The following BICRAL variants were observed in gnomAD, a reference collection of about 807,000 sequenced individuals.
BICRAL encodes BICRA like chromatin remodeling complex associated protein, also known as BRD4-interacting chromatin-remodeling complex-associated protein-like.
Under a neutral mutation model 91.8 loss-of-function variants are expected in BICRAL, and 8 were observed. The ratio of observed to expected loss-of-function variants is 0.09; its 90% CI spans 0.05 to 0.16. BICRAL has a LOEUF of 0.16. Among genes scored for constraint, BICRAL ranks in the 10% least tolerant of loss-of-function variants. The pLI is 1.00. For synonymous variants in BICRAL, 445 were observed against 491.1 expected (o/e 0.91, Z 1.24); for missense variants, 1,038 against 1,310.9 (o/e 0.79, Z 3.21).
chr6:42,767,534 G>A (rs1035557152), intron 1 of BICRAL, among the ~76,000 whole-genome samples: 5 of 152,190 alleles, frequency 3.3e-5, no homozygotes, highest in Non-Finnish European at 5.9e-5. Flanking sequence ...TCCAGTGGGT[G>A]TTTGTTGAGT....
rs1466326829 is a variant in BICRAL, at chr6:42,824,237, TA to T, written c.159+1242del. 3.6e-4 allele frequency among the ~76,000 whole-genome samples: 49 copies of T among 135,864 alleles called. 1 individual carries two copies. Among genetic ancestry groups the T allele is most frequent in the Non-Finnish European group, 6.6e-4 (41 of 62,026 alleles). The allele number at this position is 135,864 out of a possible 152,430, so 89.1% of individuals were successfully genotyped here. A position where few individuals can be genotyped will look rare whatever the true frequency, so the allele number is the denominator to read the frequency against. ...ATAGGGAGACTCTGTCTCAAAAAAA[TA>T]AAAAAAATAAAAATAAATAATAAAT... On this transcript the variant is annotated intron_variant, in intron 5 of 12. Coordinates refer to ENST00000314073, the MANE Select transcript of BICRAL (RefSeq NM_001393499.1).
At chr6:42,819,748 C>G (rs186231187) in intron 2 of BICRAL, among the ~76,000 whole-genome samples, 1 of 152,318 alleles carries the variant, frequency 6.6e-6, no homozygotes, top group African/African-American at 2.4e-5. Context: ...TAAGGGTCAT[C>G]TCTTTTAATT....
In BICRAL at chr6:42,829,702, C is replaced by G. The variant is rs778981601; in HGVS notation, c.1369C>G (p.Pro457Ala). 4 of 1,614,192 alleles carry G rather than the reference C, an allele frequency of 2.5e-6. No homozygotes were observed. Among genetic ancestry groups the G allele is most frequent in the Admixed American group, 3.3e-5 (2 of 60,014 alleles). Residue 457 changes from proline to alanine, a missense_variant, in exon 6 of 13, where the codon CCA (proline) becomes GCA (alanine). Around this residue, in one of 5 missense-constraint regions of BICRAL, gnomAD observed 532 missense variants for 724.9 expected, o/e 0.73. Transcript: ENST00000314073. ...TTCCAACATGCTCAGGACCAACCAA[C>G]CATATACTGGACCGATGCTTAACAA... is the stretch of plus-strand genomic sequence containing the variant. Reference protein sequence around the residue: ...NSSNMLRTNQPYTGPMLNNQN... With the variant: ...NSSNMLRTNQAYTGPMLNNQN...
chr6:42,818,288 A>G (rs1367514610), intron 2 of BICRAL, among the ~76,000 whole-genome samples: 3 of 152,068 alleles, frequency 2.0e-5, no homozygotes, highest in African/African-American at 4.8e-5. Flanking sequence ...AGCTAGTTGT[A>G]TTTCCTTTTC....
At chr6:42,845,223 TTTTTTTTTTTTTTTTTTTTTTTTTTA>T (rs1764967927) in intron 6 of BICRAL, among the ~76,000 whole-genome samples, 1 of 88,240 alleles carries the variant, frequency 1.1e-5, no homozygotes, top group Non-Finnish European at 2.1e-5. Context: ...TTTTTTTTTT[TTTTTTTTTTTTTTTTTTTTTTTTTTA>T]GACAGAGTTT....
chr6:42,810,014 T>C (rs917336270), intron 1 of BICRAL, among the ~76,000 whole-genome samples: 1 of 151,988 alleles, frequency 6.6e-6, no homozygotes, highest in Non-Finnish European at 1.5e-5. Flanking sequence ...CTCGAACTCC[T>C]GACCTTAGGT....
chr6:42,857,737 T>C (rs1236039856), intron 10 of BICRAL, among the ~76,000 whole-genome samples: 1 of 148,894 alleles, frequency 6.7e-6, no homozygotes, highest in African/African-American at 2.5e-5. Flanking sequence ...GGGATGGCTT[T>C]GCACTAGACA....
At chr6:42,771,262 T>TC (rs987915748) in intron 1 of BICRAL, among the ~76,000 whole-genome samples, 12 of 152,144 alleles carry the variant, frequency 7.9e-5, no homozygotes, top group African/African-American at 2.7e-4. Context: ...AGAGGACCCC[T>TC]CCCCCTGCGG....
At chr6:42,770,249 G>C (rs946649115) in intron 1 of BICRAL, among the ~76,000 whole-genome samples, 1 of 151,812 alleles carries the variant, frequency 6.6e-6, no homozygotes, top group Admixed American at 6.6e-5. Flanking sequence ...TGTTTTTTAA[G>C]ACAGGGTCTT....
At chr6:42,792,729 A>G (rs1763307439) in intron 1 of BICRAL, among the ~76,000 whole-genome samples, 1 of 152,016 alleles carries the variant, frequency 6.6e-6, no homozygotes, top group African/African-American at 2.4e-5. Flanking sequence ...CCTGGCCAAC[A>G]TGAAGAAACC....
chr6:42,854,354 T>C (rs987822572), intron 8 of BICRAL, among the ~76,000 whole-genome samples: 2 of 152,088 alleles, frequency 1.3e-5, no homozygotes, highest in African/African-American at 4.8e-5. Flanking sequence ...AGCTGTTTTT[T>C]TGTATTTTTT....
intron 6 of BICRAL, among the ~76,000 whole-genome samples, chr6:42,847,825 C>T (rs7752422): frequency 3.3e-5 from 5 of 150,006 alleles, no homozygotes; most frequent in African/African-American, 4.9e-5. Context: ...TGGGAGGCTG[C>T]GGCAGAAAAT....
In BICRAL at chr6:42,824,954, C is replaced by T. The variant is rs117960583; in HGVS notation, c.159+1951C>T. On this transcript the variant is annotated intron_variant, in intron 5 of 12. Transcript: ENST00000314073. ...CCAGCATAGTGAGACCCCATCTCTA[C>T]AAAAAATTTAAAAATTAGACCAGCA... Among the ~76,000 whole-genome samples the T allele has an allele frequency of 5.2e-3, 785 of 152,170 alleles. 19 individuals carry two copies. Among genetic ancestry groups the T allele is most frequent in the East Asian group, 0.048 (250 of 5,180 alleles).
At chr6:42,793,316 T>C (rs1204031110) in intron 1 of BICRAL, among the ~76,000 whole-genome samples, 1 of 108,406 alleles carries the variant, frequency 9.2e-6, no homozygotes, top group East Asian at 2.5e-4. Flanking sequence ...TTTTTTTTTT[T>C]TTTTTTTTTG....
chr6:42,849,702 GTGCTGGGATTACAGGCATGA>G (rs1765120019), intron 6 of BICRAL, among the ~76,000 whole-genome samples: 1 of 151,558 alleles, frequency 6.6e-6, no homozygotes, highest in Non-Finnish European at 1.5e-5. Flanking sequence ...GCCTCCCAAA[GTGCTGGGATTACAGGCATGA>G]GCCACTGCGC....
rs1164743380 is a variant in BICRAL, at chr6:42,844,531, AAAAAAAAAAAAAAAG to A, written c.1840-7559_1840-7545del. ...CTCAAAAAAAAAAAAAAAAAAAAAA[AAAAAAAAAAAAAAAG>A]AGGGTGTTGCAGAAAGAAGATCCAC... is the stretch of plus-strand genomic sequence containing the variant. On this transcript the variant is annotated intron_variant, in intron 6 of 12. Transcript: ENST00000314073. Among the ~76,000 whole-genome samples the A allele has an allele frequency of 4.4e-4, 50 of 113,476 alleles. 2 individuals carry two copies. Among genetic ancestry groups the A allele is most frequent in the African/African-American group, 2.0e-3 (47 of 23,480 alleles). 74.4% of individuals were successfully genotyped at this position (113,476 alleles called of 152,430 possible).
At chr6:42,852,302 C>A in intron 7 of BICRAL, 105 bp downstream of exon 7, 1 of 738,178 alleles carries the variant, frequency 1.4e-6, no homozygotes. Flanking sequence ...AATCTCGTCT[C>A]CACTCCGATT....
At chr6:42,791,729 G>GCTAGGACTA (rs1763279125) in intron 1 of BICRAL, among the ~76,000 whole-genome samples, 1 of 152,144 alleles carries the variant, frequency 6.6e-6, no homozygotes, top group African/African-American at 2.4e-5. Context: ...CTCCCAAAGT[G>GCTAGGACTA]CTAGGACTAT....
intron 6 of BICRAL, among the ~76,000 whole-genome samples, chr6:42,843,638 G>A (rs1032454279): frequency 1.3e-5 from 2 of 152,104 alleles, no homozygotes; most frequent in African/African-American, 4.8e-5. Flanking sequence ...TAGAAAAATG[G>A]GGAGAGATTT....
Sources: allele counts gnomAD v4.1 joint callset (sites outside exome capture counted in the v4.1 genomes callset), GRCh38; gene constraint gnomAD v4.1.1; regional missense constraint gnomAD v4.1.1; transcripts MANE v1.5; gene names NCBI Gene and HGNC (gene_info 2026-07-23, HGNC 2026-07-21).